The following KCNIP4 variants were observed in gnomAD, a reference collection of about 807,000 sequenced individuals.
KCNIP4 encodes Kv channel-interacting protein 4.
KCNIP4 carries 12 observed loss-of-function variants against 34.0 expected under a neutral mutation model. The observed-to-expected ratio is 0.35, with a 90% CI of 0.23 to 0.57. KCNIP4 has a LOEUF of 0.57. KCNIP4 is among the 20% of genes least tolerant of loss of function. KCNIP4 has a pLI of 0.83. For synonymous variants in KCNIP4, 124 were observed against 102.2 expected, an observed-to-expected ratio of 1.21 and a Z score of -1.29; for missense variants, 238 against 311.7, an observed-to-expected ratio of 0.76 and a Z score of 1.78.
At chr4:21,077,090 C>T (rs571741411) in intron 1 of KCNIP4, among the ~76,000 whole-genome samples, 67 of 151,906 alleles carry the variant, frequency 4.4e-4, no homozygotes, top group Non-Finnish European at 8.5e-4. Context: ...GAAATTGTTG[C>T]ACTCCAACCT....
At chr4:21,846,936 G>C (rs1724056725) in intron 1 of KCNIP4, 2 of 152,110 alleles carry the variant, frequency 1.3e-5, no homozygotes, top group Admixed American at 1.3e-4. Context: ...ATAGAGAAGG[G>C]GAGATGAGTC....
intron 3 of KCNIP4, among the ~76,000 whole-genome samples, chr4:20,816,748 C>T (rs1467158685): frequency 3.3e-5 from 5 of 152,126 alleles, no homozygotes; most frequent in African/African-American, 7.2e-5. Context: ...CTGAAAGAAC[C>T]GTGGAGGTTG....
intron 1 of KCNIP4, among the ~76,000 whole-genome samples, chr4:21,819,747 C>T (rs749305896): frequency 6.6e-6 from 1 of 152,044 alleles, no homozygotes; most frequent in African/African-American, 2.4e-5. Context: ...GAAGATGGAA[C>T]GAGGTTTAAT....
intron 1 of KCNIP4, among the ~76,000 whole-genome samples, chr4:21,119,689 C>T (rs1749987945): frequency 6.6e-6 from 1 of 151,562 alleles, no homozygotes; most frequent in Admixed American, 6.6e-5. Flanking sequence ...ATTCACTGTC[C>T]CTCTTTCTCT....
chr4:21,636,240 T>C (rs551954259), intron 1 of KCNIP4, among the ~76,000 whole-genome samples: 2 of 149,724 alleles, frequency 1.3e-5, no homozygotes, highest in Non-Finnish European at 1.5e-5. Context: ...TGTATACATA[T>C]GTAACTAACC....
Position 21,613,098 on chromosome 4 carries a change from G to T in KCNIP4, c.61+335473C>A, listed in dbSNP as rs553027909. On this transcript the variant is annotated intron_variant, in intron 1 of 8. Coordinates refer to ENST00000382152, the MANE Select transcript of KCNIP4 (RefSeq NM_025221.6). ...CACTCCACCAAGTTGGAACATGAGGGAGTAATTGATATTTCTCCCATAATC... is the reference window on the plus strand; with the variant it reads ...CACTCCACCAAGTTGGAACATGAGGTAGTAATTGATATTTCTCCCATAATC... Among the ~76,000 whole-genome samples, 188 of 152,228 alleles carry T rather than the reference G, an allele frequency of 1.2e-3. 1 individual carries two copies. The highest frequency in any genetic ancestry group is 0.01 in the Middle Eastern group (3 of 294).
intron 1 of KCNIP4, among the ~76,000 whole-genome samples, chr4:20,928,044 G>C (rs1392786582): frequency 2.0e-5 from 3 of 152,048 alleles, no homozygotes; most frequent in Admixed American, 6.6e-5. Context: ...ATGGATATGT[G>C]CCTGTGTGTG....
chr4:21,815,869 T>C (rs1721956698), intron 1 of KCNIP4, among the ~76,000 whole-genome samples: 1 of 152,208 alleles, frequency 6.6e-6, no homozygotes, highest in Non-Finnish European at 1.5e-5. Flanking sequence ...CCAGCTGGTA[T>C]GATCTCCAGA....
At chr4:21,376,801 T>C (rs1456252165) in intron 1 of KCNIP4, among the ~76,000 whole-genome samples, 1 of 152,170 alleles carries the variant, frequency 6.6e-6, no homozygotes, top group African/African-American at 2.4e-5. Context: ...GACTTGCGGA[T>C]TGCACCCAAT....
intron 1 of KCNIP4, among the ~76,000 whole-genome samples, chr4:21,858,568 C>T (rs991258817): frequency 7.2e-5 from 11 of 152,278 alleles, no homozygotes; most frequent in African/African-American, 2.6e-4. Context: ...ATGAAGAATT[C>T]AACTCAAAAG....
At chr4:21,920,873 C>CTTTTTTTTTTTTTTCTTTTTTTT (rs1728899285) in intron 1 of KCNIP4, among the ~76,000 whole-genome samples, 4 of 151,744 alleles carry the variant, frequency 2.6e-5, no homozygotes, top group African/African-American at 7.3e-5. Context: ...TGTACATTTT[C>CTTTTTTTTTTTTTTCTTTTTTTT]TTTGTTTGCT....
intron 2 of KCNIP4, 34 bp downstream of exon 2, chr4:20,882,574 C>T (rs753878174): frequency 3.0e-5 from 44 of 1,448,728 alleles, no homozygotes; most frequent in South Asian, 4.6e-5. Context: ...ACAAGAGTTT[C>T]GGAGGAAAAA....
At chr4:21,607,999 G>C (rs1743847989) in intron 1 of KCNIP4, among the ~76,000 whole-genome samples, 1 of 152,266 alleles carries the variant, frequency 6.6e-6, no homozygotes, top group East Asian at 1.9e-4. Context: ...ATCTCTTCCA[G>C]GTTCTAATTC....
rs1560803476 is a variant in KCNIP4 at position 21,200,380 on chromosome 4, GTGTATA to G, written c.62-317677_62-317672del. Among the ~76,000 whole-genome samples the G allele has an allele frequency of 3.6e-4, 19 of 52,410 alleles. 2 individuals carry two copies. The highest frequency in any genetic ancestry group is 2.7e-3 in the African/African-American group (14 of 5,186). The allele number at this position is 52,410 out of a possible 152,430, so 34.4% of individuals were successfully genotyped here. On this transcript the variant is annotated intron_variant, in intron 1 of 8. Transcript: ENST00000382152. ...TATATATATATACATACATATATGT[GTGTATA>G]TATATATATACATACATATATGTGT... is the stretch of plus-strand genomic sequence containing the variant.
chr4:20,825,225 G>GTTTTTTTTTTTTTTTTTTTTA (rs1717589989), intron 3 of KCNIP4, among the ~76,000 whole-genome samples: 1 of 113,636 alleles, frequency 8.8e-6, no homozygotes, highest in Non-Finnish European at 1.7e-5. Flanking sequence ...TCAATTTTAC[G>GTTTTTTTTTTTTTTTTTTTTA]TTTTTTTTTT....
chr4:21,774,434 T>G (rs1719036350), intron 1 of KCNIP4, among the ~76,000 whole-genome samples: 2 of 152,096 alleles, frequency 1.3e-5, no homozygotes, highest in Admixed American at 1.3e-4. Context: ...TCTTCTCATG[T>G]TGTATCTTAA....
At chr4:21,149,996 T>C (rs1385126544) in intron 1 of KCNIP4, among the ~76,000 whole-genome samples, 1 of 152,200 alleles carries the variant, frequency 6.6e-6, no homozygotes, top group African/African-American at 2.4e-5. Context: ...ATTTGTAGTG[T>C]TTTGTTTTTA....
At chr4:21,655,413 C>A (rs1747842996) in intron 1 of KCNIP4, among the ~76,000 whole-genome samples, 1 of 151,868 alleles carries the variant, frequency 6.6e-6, no homozygotes, top group Non-Finnish European at 1.5e-5. Flanking sequence ...CAGGGAGAGA[C>A]CACGAGTCTA....
At chr4:21,622,360 T>C (rs1105377) in intron 1 of KCNIP4, among the ~76,000 whole-genome samples, 43,398 of 152,020 alleles carry the variant, frequency 0.29, 6,480 homozygotes, top group Non-Finnish European at 0.32. Context: ...CCATGTGTTT[T>C]CTCAACCTTT....
Sources: allele counts gnomAD v4.1 joint callset (sites outside exome capture counted in the v4.1 genomes callset), GRCh38; gene constraint gnomAD v4.1.1; transcripts MANE v1.5; gene names NCBI Gene and HGNC (gene_info 2026-07-23, HGNC 2026-07-21).